The following BCAR1 variants were observed in gnomAD, a reference collection of about 807,000 sequenced individuals.
The protein encoded by BCAR1 is BCAR1 scaffold protein, Cas family member.
Under a neutral mutation model 67.6 loss-of-function variants are expected in BCAR1, and 30 were observed. The ratio of observed to expected loss-of-function variants is 0.44; its 90% CI spans 0.33 to 0.60. BCAR1 has a LOEUF of 0.60. BCAR1 is among the 20% of genes least tolerant of loss of function. The pLI is 0.02. For synonymous variants in BCAR1, 626 were observed against 556.7 expected (o/e 1.12, Z -1.75); for missense variants, 1,313 against 1,222.3 (o/e 1.07, Z -1.11).
In BCAR1 at chr16:75,230,017, G is replaced by T; in HGVS notation, c.2107C>A (p.Gln703Lys). ...KSQLELQQLK[Q>K]FERLEQEVSR... ...ACCTCCTGTTCCAGTCGTTCAAACT[G>T]CTTCAGCTGGGGCAGGAGGGAAGCA... The change falls in exon 7 of 7, where the codon CAG becomes AAG. Residue 703 changes from glutamine (Q) to lysine (K), a missense_variant. Physicochemically the swap from Gln to Lys is moderately conservative, Grantham distance 53. Around this residue, in one of 2 missense-constraint regions of BCAR1, gnomAD observed 1,272 missense variants for 1,137.5 expected, o/e 1.12. Transcript: ENST00000162330. 1 of 1,532,088 alleles carries T rather than the reference G, an allele frequency of 6.5e-7. No individual in the cohort carries two copies. Among genetic ancestry groups the T allele is most frequent in the Non-Finnish European group, 8.8e-7 (1 of 1,137,872 alleles). The allele number at this position is 1,532,088 out of a possible 1,614,324, so 94.9% of individuals were successfully genotyped here.
intron 1 of BCAR1, chr16:75,267,801 C>A: frequency 8.8e-7 from 1 of 1,131,322 alleles, no homozygotes. Flanking sequence ...TGGAGCTGGA[C>A]CCTCCAATCC....
chr16:75,234,894 G>T lies in BCAR1; in HGVS notation c.2005C>A (p.Leu669Ile). The T allele has an allele frequency of 1.3e-6, 2 of 1,532,022 alleles. No individual in the cohort carries two copies. The highest frequency in any genetic ancestry group is 2.0e-5 in the Admixed American group (1 of 50,084). The allele number at this position is 1,532,022 out of a possible 1,614,324, so 94.9% of individuals were successfully genotyped here. ...GCTGGGCAGGCGGCACCCACCTGTA[G>T]GTGGACGTAGTCATAGTCCTCCATC... ...GWMEDYDYVH[L>I]QGKEEFEKTQ... The change falls in exon 5 of 7, where the codon CTA (leucine) becomes ATA (isoleucine). Residue 669 changes from leucine to isoleucine, a missense_variant. Physicochemically the swap from Leu to Ile is conservative, Grantham distance 5. Transcript: ENST00000162330.
chr16:75,238,351 A>T, intron 2 of BCAR1: 2 of 1,111,112 alleles, frequency 1.8e-6, no homozygotes, highest in South Asian at 4.0e-5. Flanking sequence ...CCACTGAAAG[A>T]CCTTTTGTTC....
intron 2 of BCAR1, among the ~76,000 whole-genome samples, chr16:75,240,936 TG>T (rs1178376382): frequency 6.6e-6 from 1 of 152,184 alleles, no homozygotes; most frequent in African/African-American, 2.4e-5. Flanking sequence ...GGGCTCTGTC[TG>T]GGGGTCTCGC....
intron 2 of BCAR1, chr16:75,238,130 G>A: frequency 2.3e-6 from 3 of 1,287,106 alleles, no homozygotes; most frequent in Admixed American, 2.3e-5. Flanking sequence ...CCGCACAGTG[G>A]GTGAAGAGGC....
At chr16:75,251,675 C>T (rs1382192974), upstream of BCAR1, 4 of 995,700 alleles carry the variant, frequency 4.0e-6, no homozygotes, top group South Asian at 4.6e-5. Context: ...CCGATCCCAG[C>T]ATGCCCGGCC....
Position 75,235,995 on chromosome 16 carries a change from C to T in BCAR1, c.913-9G>A, listed in dbSNP as rs781426194. 3.2e-6 allele frequency: 5 copies of T among 1,563,022 alleles called. No homozygotes were observed. Among genetic ancestry groups the T allele is most frequent in the Non-Finnish European group, 4.3e-6 (5 of 1,153,660 alleles). ...GGAGGAACGTCGTAGACCTGGGGGA[C>T]AAGCGGTGGTCAAGACTGTCCATCT... is the stretch of plus-strand genomic sequence containing the variant. On this transcript the variant is annotated splice_polypyrimidine_tract_variant and intron_variant, in intron 4 of 6. Transcript: ENST00000162330.
At chr16:75,245,201 T>C (rs1432888465) in intron 1 of BCAR1, among the ~76,000 whole-genome samples, 1 of 152,140 alleles carries the variant, frequency 6.6e-6, no homozygotes, top group African/African-American at 2.4e-5. Flanking sequence ...GCAGCCTGCC[T>C]CTGGGAATCA....
chr16:75,236,674 G>T, intron 4 of BCAR1: 1 of 1,052,650 alleles, frequency 9.5e-7, no homozygotes, highest in Non-Finnish European at 1.3e-6. Flanking sequence ...AGAAGGCCTC[G>T]CAACAGGCGG....
chr16:75,252,384 G>A (rs547273212), upstream of BCAR1: 5 of 1,503,312 alleles, frequency 3.3e-6, no homozygotes, highest in African/African-American at 4.1e-5. Flanking sequence ...AGCGACATGG[G>A]GTAGGAGAGC....
intron 6 of BCAR1, among the ~76,000 whole-genome samples, chr16:75,231,648 G>C (rs923539539): frequency 5.3e-5 from 8 of 152,146 alleles, no homozygotes; most frequent in Admixed American, 5.2e-4. Flanking sequence ...CCAGCTTCTA[G>C]CAAGTTATCT....
intron 1 of BCAR1, chr16:75,266,476 C>A (rs1222456646): frequency 2.9e-6 from 1 of 344,728 alleles, no homozygotes; most frequent in East Asian, 4.3e-5. Context: ...ACTCCTGGGC[C>A]CACCCTCAGC....
rs1260118224 is a variant in BCAR1, at chr16:75,235,010, C to T, written c.1889G>A (p.Ser630Asn). ...TLHPNPTDKT[S>N]SIQSRPLPSP... ...GGGCAGGGGTCGTGACTGGATGCTGCTGGTCTTGTCAGTGGGGTTGGGGTG... is the reference window on the plus strand; with the variant it reads ...GGGCAGGGGTCGTGACTGGATGCTGTTGGTCTTGTCAGTGGGGTTGGGGTG... The change falls in exon 5 of 7, where the codon AGC becomes AAC. Residue 630 changes from serine to asparagine, a missense_variant. Transcript: ENST00000162330. 6.2e-7 allele frequency: 1 copy of T among 1,612,772 alleles called. No homozygotes were observed. The highest frequency in any genetic ancestry group is 8.5e-7 in the Non-Finnish European group (1 of 1,179,476).
chr16:75,266,740 G>T (rs879041603), intron 1 of BCAR1: 6 of 1,451,176 alleles, frequency 4.1e-6, no homozygotes, highest in Non-Finnish European at 5.5e-6. Context: ...CCAGGGGTCC[G>T]ACCCCTCTGT....
intron 1 of BCAR1, chr16:75,263,731 A>G: frequency 2.0e-6 from 2 of 985,618 alleles, no homozygotes; most frequent in Non-Finnish European, 2.4e-6. Flanking sequence ...AGACTGCCCA[A>G]ATGGATGGGT....
chr16:75,254,829 G>C (rs572333089), upstream of BCAR1, among the ~76,000 whole-genome samples: 14 of 152,296 alleles, frequency 9.2e-5, no homozygotes, highest in Admixed American at 5.2e-4. Flanking sequence ...TGTTTGTACA[G>C]AAAACAGGTG....
Position 75,235,157 on chromosome 16 carries a change from G to A in BCAR1, c.1742C>T (p.Ala581Val), listed in dbSNP as rs150393934. 1.9e-6 allele frequency: 3 copies of A among 1,608,466 alleles called. No individual in the cohort carries two copies. Among genetic ancestry groups the A allele is most frequent in the African/African-American group, 1.3e-5 (1 of 75,046 alleles). ...ATLEDLDRLV[A>V]CSRAVPEDAK... ...GTCCTCGGGCACAGCCCGCGAGCAG[G>A]CCACCAGCCGGTCCAGGTCCTCAAG... Residue 581 changes from alanine (A) to valine (V), a missense_variant, in exon 5 of 7, where the codon GCC (alanine) becomes GTC (valine). By Grantham distance (64) the Ala-to-Val change is moderately conservative. Transcript: ENST00000162330.
At chr16:75,266,801 T>G in intron 1 of BCAR1, 1 of 1,420,318 alleles carries the variant, frequency 7.0e-7, no homozygotes, top group Non-Finnish European at 9.3e-7. Flanking sequence ...GGGGCTGGGG[T>G]CCAGAGCACT....
Position 75,235,956 on chromosome 16 carries a change from C to G in BCAR1, c.943G>C (p.Asp315His), listed in dbSNP as rs749844069. The change falls in exon 5 of 7, where the codon GAT becomes CAT. Residue 315 changes from aspartate to histidine, a missense_variant. Physicochemically the swap from Asp to His is moderately conservative, Grantham distance 81. Transcript: ENST00000162330. ...VYDVPPSVSK[D>H]VPDGPLLREE... The stretch of plus-strand genomic sequence containing the variant: ...CGCAGCAGTGGGCCATCGGGCACAT[C>G]CTTGCTCACCGATGGAGGAACGTCG... 1.3e-6 allele frequency: 2 copies of G among 1,575,518 alleles called. No homozygotes were observed. Among genetic ancestry groups the G allele is most frequent in the South Asian group, 2.3e-5 (2 of 86,658 alleles).
Sources: gnomAD v4.1 joint callset for allele counts (sites outside exome capture counted in the v4.1 genomes callset) on GRCh38, gnomAD v4.1.1 for gene constraint, gnomAD v4.1.1 regional missense constraint, MANE v1.5 for transcripts, NCBI Gene and HGNC (gene_info 2026-07-23, HGNC 2026-07-21) for gene names.